Variants in BRD8 observed in about 807,000 individuals in gnomAD.
BRD8 encodes the protein bromodomain containing 8.
BRD8 carries 67 observed loss-of-function variants against 143.1 expected under a neutral mutation model. The observed-to-expected ratio is 0.47, with a 90% CI of 0.38 to 0.57. BRD8 has a LOEUF of 0.57. Ranked by LOEUF, BRD8 falls within the 20% of genes least tolerant of loss-of-function variation. The pLI, the probability that BRD8 is intolerant of heterozygous loss-of-function variation, is 0.00. For synonymous variants in BRD8, 505 were observed against 517.1 expected, an observed-to-expected ratio of 0.98 and a Z score of 0.32; for missense variants, 1,103 against 1,503.0, an observed-to-expected ratio of 0.73 and a Z score of 4.40.
At chr5:138,178,490 C>A in intron 1 of BRD8, 106 bp downstream of exon 1, 2 of 1,067,564 alleles carry the variant, frequency 1.9e-6, no homozygotes, top group East Asian at 4.7e-5. Flanking sequence ...AAACCCTGGG[C>A]TCTCAAGCAA....
At chr5:138,162,001 C>T (rs975740692) in intron 16 of BRD8, 53 bp downstream of exon 16, 11 of 1,580,032 alleles carry the variant, frequency 7.0e-6, no homozygotes, top group Non-Finnish European at 8.7e-6. Flanking sequence ...TTCCAGTCAC[C>T]AACAATGAAG....
intron 8 of BRD8, 100 bp downstream of exon 8, chr5:138,169,122 A>AGGAAGTT: frequency 7.8e-7 from 1 of 1,277,978 alleles, no homozygotes; most frequent in Admixed American, 2.2e-5. Flanking sequence ...AGATCAAGAG[A>AGGAAGTT]GGAAGTTGCC....
rs1217534460 is a variant in BRD8 at position 138,170,403 on chromosome 5, C to A, written c.447G>T (p.Lys149Asn). The change falls in exon 7 of 27, where the codon AAG becomes AAT. Residue 149 changes from lysine to asparagine, a missense_variant. Transcript: ENST00000254900. ...CTTCAGCCTCCTCTTCTTCCAATTT[C>A]TTTTTCCTAAACAGGGAATTAAGGG... ...DELCNDIATK[K>N]KLEEEEAEVK... 1.1e-5 allele frequency: 17 copies of A among 1,613,926 alleles called. No individual in the cohort carries two copies. The Admixed American group carries it at 2.0e-4, about 19-fold the overall frequency.
In BRD8 at chr5:138,169,278, C is replaced by T; in HGVS notation, c.586G>A (p.Gly196Ser). The change falls in exon 8 of 27, where the codon GGT becomes AGT. Residue 196 changes from glycine (G) to serine (S), a missense_variant. Physicochemically the swap from Gly to Ser is moderately conservative, Grantham distance 56. Transcript: ENST00000254900. ...GTCAAGTCCCCAAGTGGATAATCAC[C>T]TCCTGGGGAGGCAGAATCTATAGGA... The part of the protein sequence containing the change: ...RSPIDSASPG[G>S]DYPLGDLTPT... 6.2e-7 allele frequency: 1 copy of T among 1,614,156 alleles called. No individual in the cohort carries two copies. Among genetic ancestry groups the T allele is most frequent in the Non-Finnish European group, 8.5e-7 (1 of 1,180,018 alleles).
chr5:138,145,696 G>A, intron 24 of BRD8, 93 bp downstream of exon 24: 1 of 1,108,464 alleles, frequency 9.0e-7, no homozygotes, highest in African/African-American at 1.5e-5. Flanking sequence ...TGGCTCATTT[G>A]AGGGATGAAC....
At chr5:138,150,033 A>G (rs1429287143) in intron 22 of BRD8, among the ~76,000 whole-genome samples, 4 of 152,034 alleles carry the variant, frequency 2.6e-5, no homozygotes. Context: ...ATGGAAAAGC[A>G]TTATTTGCCC....
Position 138,166,672 on chromosome 5 carries a change from A to T in BRD8, c.843T>A (p.Pro281=), listed in dbSNP as rs1305177368. ...LEAGPTQFTT[P]LASFTTVASE... ...TGGCAACAGTAGTGAAGGAAGCAAG[A>T]GGTGTGGTGAACTGTGTAGGACCAG... is the stretch of plus-strand genomic sequence containing the variant. Residue 281 remains proline (P), a synonymous_variant, in exon 10 of 27, where the codon CCT becomes CCA. Coordinates refer to ENST00000254900, the MANE Select transcript of BRD8 (RefSeq NM_139199.2). 1.2e-6 allele frequency: 2 copies of T among 1,614,030 alleles called. No homozygotes were observed. Among genetic ancestry groups the T allele is most frequent in the Non-Finnish European group, 1.7e-6 (2 of 1,179,922 alleles).
chr5:138,147,079 A>C (rs1752184219), intron 23 of BRD8, among the ~76,000 whole-genome samples: 1 of 151,826 alleles, frequency 6.6e-6, no homozygotes, highest in Non-Finnish European at 1.5e-5. Flanking sequence ...AGTTAAAGAA[A>C]AGCAAATGAA....
chr5:138,166,597 T>G lies in BRD8; in HGVS notation c.918A>C (p.Gln306His), dbSNP rs1487520558. ...LVPPPVESVS[Q>H]ATIVMMPALP... is the part of the protein sequence containing the mutation. ...GCGCAGGCATCATGACAATGGTAGC[T>G]TGGGACACAGACTCTACAGGGGGTG... The change falls in exon 10 of 27, where the codon CAA becomes CAC. Residue 306 changes from glutamine to histidine, a missense_variant. By Grantham distance (24) the Gln-to-His change is conservative (BLOSUM62 0). This residue lies in a region of BRD8 where 334 missense variants were observed against 372.5 expected (regional missense o/e 0.90). Transcript: ENST00000254900. The G allele has an allele frequency of 6.2e-7, 1 of 1,613,984 alleles. No individual in the cohort carries two copies. The highest frequency in any genetic ancestry group is 8.5e-7 in the Non-Finnish European group (1 of 1,179,924).
intron 25 of BRD8, among the ~76,000 whole-genome samples, chr5:138,143,095 G>A (rs535239466): frequency 6.6e-6 from 1 of 151,702 alleles, no homozygotes; most frequent in East Asian, 1.9e-4. Context: ...GACAAGCCTG[G>A]GCACCATGGT....
At position 138,145,784 on chromosome 5, in the gene BRD8, C is replaced by T. The variant is rs769765121; in HGVS notation, c.3368+5G>A. On this transcript the variant is annotated splice_donor_5th_base_variant and intron_variant, in intron 24 of 26. Coordinates refer to ENST00000254900, the MANE Select transcript of BRD8 (RefSeq NM_139199.2). ...CATAATCCTATTACCACTTTGGAGA[C>T]CTACCTGTGACTGGCAATCATCTTC... is the stretch of plus-strand genomic sequence containing the variant. The T allele has an allele frequency of 3.1e-6, 5 of 1,612,848 alleles. No individual in the cohort carries two copies. Among genetic ancestry groups the T allele is most frequent in the Admixed American group, 3.3e-5 (2 of 60,020 alleles).
intron 20 of BRD8, among the ~76,000 whole-genome samples, chr5:138,154,270 TC>T (rs1204798684): frequency 6.6e-6 from 1 of 151,920 alleles, no homozygotes; most frequent in Non-Finnish European, 1.5e-5. Context: ...TTCCCTTCAC[TC>T]ACATGTACAC....
Position 138,170,900 on chromosome 5 carries a change from T to C in BRD8, c.372A>G (p.Arg124=). ...ETQERYRRLK[R]DAELIQAGHM... is the part of the protein sequence containing the mutation. ...GTCCAGCTTGAATTAGTTCTGCATC[T>C]CTCTTTAGCCGTCTATAGGAAGAAA... Residue 124 remains arginine (R), a synonymous_variant, in exon 6 of 27, where the codon AGA becomes AGG. Transcript: ENST00000254900. 6.2e-7 allele frequency: 1 copy of C among 1,614,182 alleles called. No individual in the cohort carries two copies. Among genetic ancestry groups the C allele is most frequent in the Non-Finnish European group, 8.5e-7 (1 of 1,180,018 alleles).
chr5:138,145,135 A>C (rs750992659), intron 25 of BRD8, 42 bp downstream of exon 25: 4 of 1,558,358 alleles, frequency 2.6e-6, no homozygotes, highest in Non-Finnish European at 3.5e-6. Context: ...GAAAAGGCAG[A>C]TATAAAAGCA....
At chr5:138,148,177 GA>G (rs1222621756) in intron 23 of BRD8, among the ~76,000 whole-genome samples, 94 of 105,816 alleles carry the variant, frequency 8.9e-4, no homozygotes, top group East Asian at 4.7e-3. Context: ...AAAAAAAAAA[GA>G]AAAAAAAAAG....
At chr5:138,160,236 A>G (rs1037808633) in intron 18 of BRD8, 63 bp from the exon 19 acceptor site, 1 of 1,083,362 alleles carries the variant, frequency 9.2e-7, no homozygotes, top group Non-Finnish European at 1.4e-6. Context: ...AATTAAGTAC[A>G]CTTTAAGCAC....
At position 138,164,137 on chromosome 5, in the gene BRD8, CA is replaced by C; in HGVS notation, c.1826-5del. On this transcript the variant is annotated splice_polypyrimidine_tract_variant and splice_region_variant and intron_variant, in intron 13 of 26. Transcript: ENST00000254900. ...CCTGATTCTTCTTTCAATGAGTCTG[CA>C]GAGGAGAGAAAGACTACCTGAAGAT... 1 of 1,613,928 alleles carries C rather than the reference CA, an allele frequency of 6.2e-7. No individual in the cohort carries two copies. The highest frequency in any genetic ancestry group is 1.1e-5 in the South Asian group (1 of 91,074).
At chr5:138,153,428 TA>T (rs1194082859) in intron 20 of BRD8, among the ~76,000 whole-genome samples, 2 of 152,076 alleles carry the variant, frequency 1.3e-5, no homozygotes, top group Non-Finnish European at 2.9e-5. Flanking sequence ...TAATGTATTT[TA>T]AAAAAATGTA....
Position 138,164,393 on chromosome 5 carries a change from C to A in BRD8, c.1752G>T (p.Leu584Phe). 4.3e-6 allele frequency: 7 copies of A among 1,614,110 alleles called. No individual in the cohort carries two copies. The highest frequency in any genetic ancestry group is 5.1e-6 in the Non-Finnish European group (6 of 1,179,982). ...VKTEASPESM[L>F]SPSHGSNPIE... The stretch of plus-strand genomic sequence containing the variant: ...TGGGATTTGAGCCATGTGATGGAGA[C>A]AACATGCTTTCAGGGGATGCCTGAA... The change falls in exon 13 of 27, where the codon TTG (leucine) becomes TTT (phenylalanine). Residue 584 changes from leucine (L) to phenylalanine (F), a missense_variant. This residue lies in a region of BRD8 where 139 missense variants were observed against 139.0 expected (regional missense o/e 1.00). Transcript: ENST00000254900.
Sources: allele counts gnomAD v4.1 joint callset (sites outside exome capture counted in the v4.1 genomes callset), GRCh38; gene constraint gnomAD v4.1.1; regional missense constraint gnomAD v4.1.1; transcripts MANE v1.5; gene names NCBI Gene and HGNC (gene_info 2026-07-23, HGNC 2026-07-21).